Variants in LRRC49 observed in about 807,000 individuals in gnomAD.
LRRC49 encodes the protein leucine-rich repeat-containing protein 49.
In LRRC49, 50 loss-of-function variants were observed where a neutral mutation model predicts 83.3. The ratio of observed to expected loss-of-function variants is 0.60; its 90% CI spans 0.48 to 0.76. The LOEUF (loss-of-function observed/expected upper bound fraction) is 0.76. LRRC49 is among the 30% of genes least tolerant of loss of function. The pLI is 0.00. For synonymous variants in LRRC49, 286 were observed against 283.3 expected (o/e 1.01, Z -0.10); for missense variants, 704 against 809.1 (o/e 0.87, Z 1.58).
At chr15:70,904,443 A>T (rs2034213954) in intron 4 of LRRC49, 109 bp from the exon 5 acceptor site, 2 of 706,598 alleles carry the variant, frequency 2.8e-6, no homozygotes, top group African/African-American at 3.6e-5. Context: ...GGTCCAACTT[A>T]TTTTTTTCTC....
At chr15:71,015,513 T>C (rs1277343945) in intron 14 of LRRC49, among the ~76,000 whole-genome samples, 1 of 152,174 alleles carries the variant, frequency 6.6e-6, no homozygotes, top group Admixed American at 6.5e-5. Flanking sequence ...TCAGCGGTAA[T>C]GCTTGCCCGC....
intron 8 of LRRC49, 53 bp downstream of exon 8, chr15:70,936,875 T>C (rs2035618384): frequency 8.9e-7 from 1 of 1,124,298 alleles, no homozygotes; most frequent in Non-Finnish European, 1.4e-6. Flanking sequence ...GTGTGAGTTC[T>C]AGTGCTTTAG....
chr15:70,995,460 A>G (rs1373044164), intron 11 of LRRC49, among the ~76,000 whole-genome samples: 1 of 152,160 alleles, frequency 6.6e-6, no homozygotes, highest in Non-Finnish European at 1.5e-5. Flanking sequence ...AGTAAAAGCA[A>G]AAGGTCACCA....
chr15:70,951,610 G>T (rs915632603), intron 8 of LRRC49, among the ~76,000 whole-genome samples: 2 of 152,028 alleles, frequency 1.3e-5, no homozygotes, highest in Admixed American at 6.6e-5. Flanking sequence ...CATTGATTTT[G>T]TATCCTGAAA....
intron 5 of LRRC49, among the ~76,000 whole-genome samples, chr15:70,905,888 G>A (rs531000768): frequency 1.1e-4 from 16 of 152,222 alleles, no homozygotes; most frequent in African/African-American, 3.9e-4. Flanking sequence ...AAAAGGGAAG[G>A]GATAGATCAG....
rs2040006472 is a variant in LRRC49 at position 71,052,485 on chromosome 15, G to C, written c.*2873G>C. ...GAGTCAGAGGATGGTGCTGGTATCAGCTCCTCACTTCCTGAGCTTCATTCC... is the reference window on the plus strand; with the variant it reads ...GAGTCAGAGGATGGTGCTGGTATCACCTCCTCACTTCCTGAGCTTCATTCC... On this transcript the variant is annotated 3_prime_UTR_variant, in exon 16 of 16. Coordinates refer to ENST00000260382, the MANE Select transcript of LRRC49 (RefSeq NM_017691.5). 1 of 152,188 alleles carries C rather than the reference G, an allele frequency of 6.6e-6. No individual in the cohort carries two copies. The highest frequency in any genetic ancestry group is 2.1e-4 in the South Asian group (1 of 4,828). The allele number at this position is 152,188 out of a possible 1,614,324, so 9.4% of individuals were successfully genotyped here. A position where few individuals can be genotyped will look rare whatever the true frequency, so the allele number is the denominator to read the frequency against.
chr15:70,892,810 A>T (rs1032560018), upstream of LRRC49: 1 of 1,613,532 alleles, frequency 6.2e-7, no homozygotes, highest in African/African-American at 1.3e-5. Context: ...TGCCTGGGAG[A>T]TGACCTCTTT....
intron 11 of LRRC49, among the ~76,000 whole-genome samples, chr15:70,989,124 C>T (rs143399359): frequency 0.013 from 1,958 of 152,150 alleles, 14 homozygotes; most frequent in Non-Finnish European, 0.02. Flanking sequence ...CTTGGAGTTG[C>T]TCTTCTCGAG....
chr15:70,892,441 C>T, upstream of LRRC49: 1 of 1,535,588 alleles, frequency 6.5e-7, no homozygotes, highest in South Asian at 1.2e-5. Flanking sequence ...TCTGGGGCCC[C>T]CAATGGGAGG....
upstream of LRRC49, chr15:70,891,699 G>T: frequency 1.4e-6 from 1 of 692,198 alleles, no homozygotes; most frequent in Non-Finnish European, 2.3e-6. Flanking sequence ...GGACCTTGGA[G>T]ATCACCTCTA....
chr15:70,985,755 G>A (rs1221256746), intron 11 of LRRC49, among the ~76,000 whole-genome samples: 1 of 149,498 alleles, frequency 6.7e-6, no homozygotes, highest in Non-Finnish European at 1.5e-5. Context: ...GGGTTTTTAT[G>A]GTTTTAGGTC....
At chr15:70,910,001 G>T (rs1311609429) in intron 5 of LRRC49, among the ~76,000 whole-genome samples, 1 of 152,154 alleles carries the variant, frequency 6.6e-6, no homozygotes, top group Admixed American at 6.5e-5. Context: ...GTGAAGGCTA[G>T]TGAAAGAGTC....
Position 71,048,925 on chromosome 15 carries a change from G to T in LRRC49, c.1858-484G>T. On this transcript the variant is annotated intron_variant, in intron 15 of 15. Transcript: ENST00000260382. ...AATGGTCAAGGCTGCGTAAGTCAGT[G>T]TAGTGTACCATTTTATGCTTTCCCA... The T allele has an allele frequency of 9.0e-6, 4 of 443,448 alleles. No homozygotes were observed. In the Middle Eastern group the frequency reaches 1.3e-3, roughly 148 times the overall value. 27.5% of individuals were successfully genotyped at this position (443,448 alleles called of 1,614,324 possible).
chr15:70,938,822 T>C (rs895748668), intron 8 of LRRC49, among the ~76,000 whole-genome samples: 3 of 152,140 alleles, frequency 2.0e-5, no homozygotes, highest in African/African-American at 7.2e-5. Context: ...ATTTTAAAAA[T>C]GCAGCTGACT....
At chr15:70,923,429 G>A (rs1017482910) in intron 7 of LRRC49, among the ~76,000 whole-genome samples, 1 of 151,780 alleles carries the variant, frequency 6.6e-6, no homozygotes, top group African/African-American at 2.4e-5. Flanking sequence ...TATCTTCTTG[G>A]TAATTGTTCC....
At chr15:71,041,172 G>A (rs987009792) in intron 15 of LRRC49, among the ~76,000 whole-genome samples, 3 of 152,186 alleles carry the variant, frequency 2.0e-5, no homozygotes, top group African/African-American at 7.2e-5. Flanking sequence ...GCTAATAGAT[G>A]CACGTTGTTT....
At chr15:71,018,786 A>G (rs534030411) in intron 14 of LRRC49, among the ~76,000 whole-genome samples, 3 of 152,274 alleles carry the variant, frequency 2.0e-5, no homozygotes, top group African/African-American at 7.2e-5. Context: ...CAGCCTCCCT[A>G]CATCACATGC....
At chr15:71,005,963 AC>A (rs774638986) in intron 11 of LRRC49, among the ~76,000 whole-genome samples, 2 of 152,188 alleles carry the variant, frequency 1.3e-5, no homozygotes, top group Admixed American at 6.5e-5. Flanking sequence ...GTAAACATTG[AC>A]CAGAGTTTAA....
chr15:70,859,031 G>C (rs928815074), intron 1 of LRRC49: 1 of 1,352,290 alleles, frequency 7.4e-7, no homozygotes, highest in Non-Finnish European at 1.1e-6. Flanking sequence ...CTCCTTCATA[G>C]ACAAGGTATG....
Sources: gnomAD v4.1 joint callset for allele counts (sites outside exome capture counted in the v4.1 genomes callset) on GRCh38, gnomAD v4.1.1 for gene constraint, MANE v1.5 for transcripts, NCBI Gene and HGNC (gene_info 2026-07-23, HGNC 2026-07-21) for gene names.